NUGGC: variants seen among roughly 807,000 people sequenced by gnomAD.
The protein encoded by NUGGC is nuclear GTPase SLIP-GC.
NUGGC carries 58 observed loss-of-function variants against 92.6 expected under a neutral mutation model. The observed-to-expected ratio is 0.63, with a 90% CI of 0.51 to 0.78. NUGGC has a LOEUF of 0.78. NUGGC is among the 30% of genes least tolerant of loss of function. NUGGC has a pLI of 0.00. For missense variants in NUGGC, 925 were observed against 964.6 expected, an observed-to-expected ratio of 0.96 and a Z score of 0.54; for synonymous variants, 376 against 366.4, an observed-to-expected ratio of 1.03 and a Z score of -0.30.
chr8:28,080,764 T>C (rs1432653688), intron 1 of NUGGC, among the ~76,000 whole-genome samples: 1 of 152,202 alleles, frequency 6.6e-6, no homozygotes, highest in Non-Finnish European at 1.5e-5. Context: ...TATTTGTGAG[T>C]GCCTATGATG....
At chr8:28,069,495 A>G (rs1031177569) in intron 4 of NUGGC, 49 bp downstream of exon 4, 2 of 925,816 alleles carry the variant, frequency 2.2e-6, no homozygotes, top group East Asian at 4.8e-5. Context: ...ATAATCGCCT[A>G]AGGAAAGACA....
intron 7 of NUGGC, among the ~76,000 whole-genome samples, chr8:28,060,845 C>T (rs1030106571): frequency 2.8e-4 from 42 of 152,312 alleles, no homozygotes; most frequent in African/African-American, 9.6e-4. Context: ...GAGGACCTCT[C>T]GGGCATTGGG....
At chr8:28,043,812 G>T (rs1317378448) in intron 12 of NUGGC, among the ~76,000 whole-genome samples, 2 of 152,198 alleles carry the variant, frequency 1.3e-5, no homozygotes, top group African/African-American at 4.8e-5. Flanking sequence ...GCTGGGCAAA[G>T]AGACAAATTT....
At chr8:28,057,581 C>A (rs755246592) in intron 9 of NUGGC, among the ~76,000 whole-genome samples, 1 of 151,858 alleles carries the variant, frequency 6.6e-6, no homozygotes, top group Non-Finnish European at 1.5e-5. Flanking sequence ...CCTCGTGATC[C>A]GCCCACCTCA....
At chr8:28,029,424 G>A (rs1201039560) in intron 16 of NUGGC, 22 bp from the exon 17 acceptor site, 1 of 1,610,506 alleles carries the variant, frequency 6.2e-7, no homozygotes, top group Non-Finnish European at 8.5e-7. Flanking sequence ...GATAGCCACA[G>A]TCACACCAAG....
intron 9 of NUGGC, among the ~76,000 whole-genome samples, chr8:28,057,181 A>T (rs902744282): frequency 6.6e-6 from 1 of 152,190 alleles, no homozygotes; most frequent in Non-Finnish European, 1.5e-5. Flanking sequence ...GAATCGCTTC[A>T]TATGTGCCGT....
At chr8:28,034,556 T>C (rs1809507449) in intron 13 of NUGGC, among the ~76,000 whole-genome samples, 1 of 152,176 alleles carries the variant, frequency 6.6e-6, no homozygotes, top group Non-Finnish European at 1.5e-5. Flanking sequence ...TGGCTCATAC[T>C]GGTAATCTCA....
At chr8:28,079,781 C>A (rs930364242) in intron 1 of NUGGC, among the ~76,000 whole-genome samples, 1 of 152,150 alleles carries the variant, frequency 6.6e-6, no homozygotes, top group Admixed American at 6.5e-5. Context: ...AGGAGGGTTC[C>A]CTCAAATGCA....
rs1221667988 is a variant in NUGGC at position 28,022,390 on chromosome 8, C to T, written c.*927G>A. On this transcript the variant is annotated 3_prime_UTR_variant, in exon 19 of 19. Transcript: ENST00000413272. ...AGCCAGGATGGTCTCAATCTCCTGA[C>T]CTCATGATCCGCCCGCCTCAGCCTC... The T allele has an allele frequency of 6.6e-6, 1 of 150,962 alleles. No individual in the cohort carries two copies. The highest frequency in any genetic ancestry group is 1.5e-5 in the Non-Finnish European group (1 of 67,450). The allele number at this position is 150,962 out of a possible 1,614,324, so 9.4% of individuals were successfully genotyped here.
chr8:28,046,367 A>G (rs1325729056), intron 11 of NUGGC, among the ~76,000 whole-genome samples: 2 of 152,190 alleles, frequency 1.3e-5, no homozygotes, highest in East Asian at 3.8e-4. Flanking sequence ...GTTGCAAGCC[A>G]TATCAAGTTC....
chr8:28,065,282 C>T (rs929275439), intron 6 of NUGGC, among the ~76,000 whole-genome samples: 1 of 151,514 alleles, frequency 6.6e-6, no homozygotes, highest in African/African-American at 2.4e-5. Flanking sequence ...TGCCTGACTC[C>T]CCAGGAGCTG....
At chr8:28,058,298 G>T (rs1351657141) in intron 8 of NUGGC, 22 bp from the exon 9 acceptor site, 1 of 505,680 alleles carries the variant, frequency 2.0e-6, no homozygotes, top group Non-Finnish European at 3.1e-6. Context: ...TTAGAAAAAT[G>T]TAACAATTAC....
chr8:28,026,007 T>TC (rs1243908973), intron 18 of NUGGC, among the ~76,000 whole-genome samples: 1 of 152,172 alleles, frequency 6.6e-6, no homozygotes, highest in Non-Finnish European at 1.5e-5. Flanking sequence ...TTTCCTTTTT[T>TC]CCCCTCTCAC....
At chr8:28,059,857 A>G (rs1319617912) in intron 8 of NUGGC, among the ~76,000 whole-genome samples, 1 of 152,064 alleles carries the variant, frequency 6.6e-6, no homozygotes, top group Non-Finnish European at 1.5e-5. Flanking sequence ...CCCCATCTCT[A>G]CTAAAATACA....
chr8:28,037,134 T>G (rs1421014872), intron 13 of NUGGC, among the ~76,000 whole-genome samples: 1 of 152,070 alleles, frequency 6.6e-6, no homozygotes, highest in African/African-American at 2.4e-5. Context: ...GCTCACCAAC[T>G]CCCCTCAGAC....
chr8:28,070,108 A>G (rs1444452371), intron 3 of NUGGC, 144 bp downstream of exon 3: 2 of 1,438,134 alleles, frequency 1.4e-6, no homozygotes, highest in Non-Finnish European at 1.8e-6. Context: ...ATACCGCTAC[A>G]GAGACTTTGA....
chr8:28,067,372 G>C (rs1810462478), intron 6 of NUGGC, 142 bp downstream of exon 6: 1 of 639,332 alleles, frequency 1.6e-6, no homozygotes, highest in African/African-American at 1.8e-5. Context: ...GATAACTTGG[G>C]CTACGGATAC....
At chr8:28,024,289 C>A (rs376679997) in intron 18 of NUGGC, among the ~76,000 whole-genome samples, 1 of 151,052 alleles carries the variant, frequency 6.6e-6, no homozygotes, top group South Asian at 2.1e-4. Context: ...AGTTGATACA[C>A]CCGCCTCGGC....
At chr8:28,080,518 G>A (rs543573320) in intron 1 of NUGGC, among the ~76,000 whole-genome samples, 1 of 151,990 alleles carries the variant, frequency 6.6e-6, no homozygotes, top group Non-Finnish European at 1.5e-5. Context: ...TTCTCAAAGG[G>A]GCATTTTGGT....
Sources: allele counts gnomAD v4.1 joint callset (sites outside exome capture counted in the v4.1 genomes callset), GRCh38; gene constraint gnomAD v4.1.1; transcripts MANE v1.5; gene names NCBI Gene and HGNC (gene_info 2026-07-23, HGNC 2026-07-21).